OSBPL3: variants seen among roughly 807,000 people sequenced by gnomAD.
OSBPL3 encodes oxysterol binding protein like 3.
In OSBPL3, 65 loss-of-function variants were observed where a neutral mutation model predicts 120.1. The ratio of observed to expected loss-of-function variants is 0.54; its 90% CI spans 0.44 to 0.67. OSBPL3 has a LOEUF of 0.67. Among genes scored for constraint, OSBPL3 ranks in the 30% least tolerant of loss-of-function variants. OSBPL3 has a pLI of 0.00. For synonymous variants in OSBPL3, 416 were observed against 402.6 expected (o/e 1.03, Z -0.40); for missense variants, 1,004 against 1,082.1 (o/e 0.93, Z 1.01).
intron 13 of OSBPL3, among the ~76,000 whole-genome samples, chr7:24,841,499 T>C (rs1403208098): frequency 2.0e-5 from 3 of 150,556 alleles, no homozygotes; most frequent in Non-Finnish European, 4.4e-5. Flanking sequence ...GAGTTCGAGG[T>C]CAGCCTGGCC....
chr7:24,897,866 C>G (rs905710923), intron 1 of OSBPL3, among the ~76,000 whole-genome samples: 1 of 152,180 alleles, frequency 6.6e-6, no homozygotes, highest in Non-Finnish European at 1.5e-5. Flanking sequence ...ATCCATTAGG[C>G]CTGGGGGTCT....
chr7:24,927,858 T>C (rs1173788022), intron 1 of OSBPL3, among the ~76,000 whole-genome samples: 1 of 152,202 alleles, frequency 6.6e-6, no homozygotes, highest in East Asian at 1.9e-4. Context: ...TCTTGAGGTA[T>C]AATTTATATC....
intron 1 of OSBPL3, among the ~76,000 whole-genome samples, chr7:24,924,655 A>AC (rs1163823670): frequency 6.6e-6 from 1 of 152,214 alleles, no homozygotes; most frequent in Admixed American, 6.5e-5. Flanking sequence ...GCTACTCGCT[A>AC]CCCATACTTT....
chr7:24,807,036 T>A, intron 20 of OSBPL3, 134 bp from the exon 21 acceptor site: 1 of 744,430 alleles, frequency 1.3e-6, no homozygotes. Flanking sequence ...TAAAATATTC[T>A]GACTAATGAA....
At position 24,854,489 on chromosome 7, in the gene OSBPL3, T is replaced by TAC. The variant is rs1267798501; in HGVS notation, c.1028-1857_1028-1856dup. On this transcript the variant is annotated intron_variant, in intron 10 of 22. Coordinates refer to ENST00000313367, the MANE Select transcript of OSBPL3 (RefSeq NM_015550.4). The surrounding 1 kb of genome is among the most constrained non-coding windows in gnomAD (Gnocchi z 4.1). The stretch of plus-strand genomic sequence containing the variant: ...ATCTTAACAAAGTCACAACAATTTG[T>TAC]ACACACACACACGCACACACACACA... Among the ~76,000 whole-genome samples, 45 of 127,492 alleles carry TAC rather than the reference T, an allele frequency of 3.5e-4. No individual in the cohort carries two copies. The highest frequency in any genetic ancestry group is 1.3e-3 in the African/African-American group (40 of 31,270). The allele number at this position is 127,492 out of a possible 152,430, so 83.6% of individuals were successfully genotyped here.
intron 1 of OSBPL3, among the ~76,000 whole-genome samples, chr7:24,974,262 T>C (rs996314941): frequency 4.6e-5 from 7 of 152,198 alleles, no homozygotes; most frequent in South Asian, 2.1e-4. Flanking sequence ...TACTCCCTCC[T>C]CACCCCCAGA....
At chr7:24,920,393 C>G (rs1162076341) in intron 1 of OSBPL3, among the ~76,000 whole-genome samples, 1 of 152,034 alleles carries the variant, frequency 6.6e-6, no homozygotes, top group Non-Finnish European at 1.5e-5. Flanking sequence ...TTTTTAAAGG[C>G]CATATATTGT....
intron 20 of OSBPL3, among the ~76,000 whole-genome samples, chr7:24,809,396 G>C (rs1793477340): frequency 1.3e-5 from 2 of 152,100 alleles, no homozygotes; most frequent in South Asian, 4.1e-4. Flanking sequence ...GTCAGCCTGG[G>C]GATAGTTAAC....
rs1798184040 is a variant in OSBPL3 at position 24,844,655 on chromosome 7, CA to C, written c.1267-2243del. On this transcript the variant is annotated intron_variant, in intron 12 of 22. Transcript: ENST00000313367. The stretch of plus-strand genomic sequence containing the variant: ...TATAAAGTTCGCCCAAATAACATTG[CA>C]AGATAGTTTTTTTTCAAAATTAAAC... 2.0e-5 allele frequency among the ~76,000 whole-genome samples: 3 copies of C among 151,778 alleles called. No homozygotes were observed. In the South Asian group the frequency reaches 6.2e-4, roughly 31 times the overall value.
chr7:24,845,437 T>TTGTGTGTGTG (rs1299893283), intron 12 of OSBPL3, among the ~76,000 whole-genome samples: 10 of 141,644 alleles, frequency 7.1e-5, no homozygotes, highest in Non-Finnish European at 1.5e-4. Flanking sequence ...CTATCTGTAT[T>TTGTGTGTGTG]TGTGTGTATG....
intron 1 of OSBPL3, among the ~76,000 whole-genome samples, chr7:24,954,730 T>C (rs1814839688): frequency 6.6e-6 from 1 of 152,224 alleles, no homozygotes; most frequent in South Asian, 2.1e-4. Context: ...AAAAGTCGTT[T>C]TGCATTGACC....
At chr7:24,928,816 T>A (rs1028101816) in intron 1 of OSBPL3, among the ~76,000 whole-genome samples, 1 of 152,212 alleles carries the variant, frequency 6.6e-6, no homozygotes, top group Non-Finnish European at 1.5e-5. Flanking sequence ...TGTTTCTGAG[T>A]TTCAGCCATG....
rs146534080 is a variant in OSBPL3 at position 24,923,761 on chromosome 7, G to A, written c.-149-31140C>T. Among the ~76,000 whole-genome samples the A allele has an allele frequency of 9.1e-3, 1,382 of 152,230 alleles. 27 individuals are homozygous for A. Among genetic ancestry groups the A allele is most frequent in the African/African-American group, 0.031 (1,290 of 41,534 alleles). ...GGGCAGGCGGGCGGCCGGGTGGGGA[G>A]AAGAGAGATCTTCATGGGGCTCTGT... On this transcript the variant is annotated intron_variant, in intron 1 of 22. Coordinates refer to ENST00000313367, the MANE Select transcript of OSBPL3 (RefSeq NM_015550.4).
chr7:24,914,850 G>A (rs187219711), intron 1 of OSBPL3, among the ~76,000 whole-genome samples: 1 of 152,266 alleles, frequency 6.6e-6, no homozygotes, highest in East Asian at 1.9e-4. Flanking sequence ...CAAGAGATGA[G>A]CTGCCCTACA....
Position 24,804,507 on chromosome 7 carries a change from C to T in OSBPL3, c.2445-70G>A, listed in dbSNP as rs574997702. The stretch of plus-strand genomic sequence containing the variant: ...AAACAAAACAATCATTACTACTCAA[C>T]TTGCATGTGTCCACGACTGGATATT... On this transcript the variant is annotated intron_variant, in intron 21 of 22. Transcript: ENST00000313367. This position sits in a 1 kb window ranked among gnomAD's most constrained non-coding sequence, Gnocchi z 5.4. The T allele has an allele frequency of 2.5e-5, 37 of 1,452,214 alleles. No individual in the cohort carries two copies. In the East Asian group the frequency reaches 8.3e-4, roughly 33 times the overall value. 90.0% of individuals were successfully genotyped at this position (1,452,214 alleles called of 1,614,324 possible).
chr7:24,865,568 A>C lies in OSBPL3; in HGVS notation c.550-103T>G, dbSNP rs532073823. ...AGTGGGCTAGTCACTAATGGACACC[A>C]TCTGCCTATAATGAGGAAGAAGCTT... On this transcript the variant is annotated intron_variant, in intron 6 of 22. Transcript: ENST00000313367. The C allele has an allele frequency of 5.4e-6, 6 of 1,108,768 alleles. No individual in the cohort carries two copies. In the South Asian group the frequency reaches 9.0e-5, roughly 17 times the overall value. 68.7% of individuals were successfully genotyped at this position (1,108,768 alleles called of 1,614,324 possible). A position where few individuals can be genotyped will look rare whatever the true frequency, so the allele number is the denominator to read the frequency against.
Position 24,854,873 on chromosome 7 carries a change from A to G in OSBPL3, c.1028-2239T>C, listed in dbSNP as rs1006346307. ...GAGAGAGGGAATGCAGGTAAAGCAC[A>G]TAACACAATGCGTGGTATGTAATAA... On this transcript the variant is annotated intron_variant, in intron 10 of 22. Transcript: ENST00000313367. This position sits in a 1 kb window ranked among gnomAD's most constrained non-coding sequence, Gnocchi z 4.1. 2.0e-5 allele frequency among the ~76,000 whole-genome samples: 3 copies of G among 152,266 alleles called. No homozygotes were observed. The highest frequency in any genetic ancestry group is 4.8e-5 in the African/African-American group (2 of 41,474).
In OSBPL3 at chr7:24,830,928, T is replaced by C. The variant is rs199706387; in HGVS notation, c.1747-23A>G. On this transcript the variant is annotated intron_variant, in intron 15 of 22. Coordinates refer to ENST00000313367, the MANE Select transcript of OSBPL3 (RefSeq NM_015550.4). The surrounding 1 kb of genome is among the most constrained non-coding windows in gnomAD (Gnocchi z 4.4). ...TACCTAAGGACAAGAGAAAAGAACTTTGTCATTTCCGTGTCACCAAGAGCT... is the reference window on the plus strand; with the variant it reads ...TACCTAAGGACAAGAGAAAAGAACTCTGTCATTTCCGTGTCACCAAGAGCT... The C allele has an allele frequency of 5.5e-4, 867 of 1,572,244 alleles. 3 individuals are homozygous for C. Among genetic ancestry groups the C allele is most frequent in the South Asian group, 9.2e-4 (77 of 83,924 alleles).
intron 2 of OSBPL3, among the ~76,000 whole-genome samples, chr7:24,887,386 T>C (rs1804684517): frequency 6.6e-6 from 1 of 152,168 alleles, no homozygotes; most frequent in Admixed American, 6.5e-5. Flanking sequence ...AGTGTCACGG[T>C]TTTTGAAACA....
Sources: allele counts gnomAD v4.1 joint callset (sites outside exome capture counted in the v4.1 genomes callset), GRCh38; gene constraint gnomAD v4.1.1; non-coding constraint Gnocchi (gnomAD v3.1); transcripts MANE v1.5; gene names NCBI Gene and HGNC (gene_info 2026-07-23, HGNC 2026-07-21).